The following DISC1 variants were observed in gnomAD, a reference collection of about 807,000 sequenced individuals.
DISC1 encodes disrupted in schizophrenia 1 protein.
Under a neutral mutation model 84.5 loss-of-function variants are expected in DISC1, and 57 were observed. The observed-to-expected ratio is 0.67, with a 90% CI of 0.55 to 0.84. The LOEUF (loss-of-function observed/expected upper bound fraction) is 0.84. Ranked by LOEUF, DISC1 falls within the 40% of genes least tolerant of loss-of-function variation. The probability of loss-of-function intolerance (pLI) is 0.00; values close to 1 mark genes in which losing one functional copy is unlikely to be tolerated. For synonymous variants in DISC1, 411 were observed against 415.2 expected, an observed-to-expected ratio of 0.99 and a Z score of 0.12; for missense variants, 1,000 against 1,057.8, an observed-to-expected ratio of 0.95 and a Z score of 0.76.
intron 3 of DISC1, among the ~76,000 whole-genome samples, chr1:231,717,230 G>A (rs2068872698): frequency 6.6e-6 from 1 of 152,164 alleles, no homozygotes; most frequent in Non-Finnish European, 1.5e-5. Context: ...TTTCCTGCAA[G>A]TCTCGGAAAT....
chr1:231,673,412 A>C (rs1253469012), intron 1 of DISC1, among the ~76,000 whole-genome samples: 1 of 151,272 alleles, frequency 6.6e-6, no homozygotes, highest in Non-Finnish European at 1.5e-5. Context: ...ATACCCTTGA[A>C]CTCCTGGGCT....
At chr1:231,805,239 C>T (rs867325594) in intron 8 of DISC1, among the ~76,000 whole-genome samples, 7 of 152,090 alleles carry the variant, frequency 4.6e-5, no homozygotes, top group Non-Finnish European at 8.8e-5. Flanking sequence ...GGTTTAAAGC[C>T]GATAGCAAAA....
At chr1:231,945,493 G>A (rs574251775) in intron 9 of DISC1, among the ~76,000 whole-genome samples, 3 of 152,308 alleles carry the variant, frequency 2.0e-5, no homozygotes, top group South Asian at 4.1e-4. Flanking sequence ...AGCACTAAAT[G>A]TCCACAGGAG....
Position 232,005,918 on chromosome 1 carries a change from T to A in DISC1, c.2043-2867T>A, listed in dbSNP as rs199651541. On this transcript the variant is annotated intron_variant, in intron 10 of 12. Coordinates refer to ENST00000439617, the MANE Select transcript of DISC1 (RefSeq NM_018662.3). ...GGATGGGAGAAAATATATATTTTCATTGAAAATTCCTGATTTTGGTTTTCC... is the reference window on the plus strand; with the variant it reads ...GGATGGGAGAAAATATATATTTTCAATGAAAATTCCTGATTTTGGTTTTCC... Among the ~76,000 whole-genome samples the A allele has an allele frequency of 1.3e-3, 104 of 77,690 alleles. No individual in the cohort carries two copies. The Middle Eastern group carries it at 0.026, about 20-fold the overall frequency. The allele number at this position is 77,690 out of a possible 152,430, so 51.0% of individuals were successfully genotyped here. A position where few individuals can be genotyped will look rare whatever the true frequency, so the allele number is the denominator to read the frequency against.
chr1:231,814,281 C>T lies in DISC1; in HGVS notation c.1793-4048C>T, dbSNP rs1415564341. 2.0e-5 allele frequency among the ~76,000 whole-genome samples: 3 copies of T among 152,098 alleles called. No individual in the cohort carries two copies. In the South Asian group the frequency reaches 6.2e-4, roughly 32 times the overall value. ...AAGATATTTTAGTTCTCCAGATTTC[C>T]GCTTTCCCAGCTGTAAAAGGAGACA... On this transcript the variant is annotated intron_variant, in intron 8 of 12. Transcript: ENST00000439617.
At chr1:231,991,662 A>C (rs1175290904) in intron 10 of DISC1, among the ~76,000 whole-genome samples, 1 of 152,210 alleles carries the variant, frequency 6.6e-6, no homozygotes, top group Non-Finnish European at 1.5e-5. Context: ...AGAATTACAA[A>C]AGGAAAAATA....
intron 3 of DISC1, among the ~76,000 whole-genome samples, chr1:231,704,839 A>T (rs2066861660): frequency 1.3e-5 from 2 of 150,346 alleles, no homozygotes; most frequent in South Asian, 4.2e-4. Flanking sequence ...ATTTCTAATG[A>T]TCTCCCAAAT....
At position 231,886,766 on chromosome 1, in the gene DISC1, C is replaced by A. The variant is rs4999713; in HGVS notation, c.1981+68249C>A. On this transcript the variant is annotated intron_variant, in intron 9 of 12. Coordinates refer to ENST00000439617, the MANE Select transcript of DISC1 (RefSeq NM_018662.3). The stretch of plus-strand genomic sequence containing the variant: ...CTCTTTCTTCCTTTCTTCCTTCCTT[C>A]CTTTCTTTCTTTCTTTCTTTCTTTC... Among the ~76,000 whole-genome samples the A allele has an allele frequency of 3.1e-3, 260 of 84,424 alleles. 2 individuals carry two copies. Among genetic ancestry groups the A allele is most frequent in the African/African-American group, 0.012 (255 of 21,790 alleles). The allele number at this position is 84,424 out of a possible 152,430, so 55.4% of individuals were successfully genotyped here.
At chr1:231,740,089 A>G (rs2073049045) in intron 3 of DISC1, among the ~76,000 whole-genome samples, 1 of 152,166 alleles carries the variant, frequency 6.6e-6, no homozygotes, top group African/African-American at 2.4e-5. Context: ...GCTGCCTGAA[A>G]CGTGGCAGCT....
intron 3 of DISC1, among the ~76,000 whole-genome samples, chr1:231,743,401 A>T (rs1272250125): frequency 6.6e-6 from 1 of 152,216 alleles, no homozygotes; most frequent in Non-Finnish European, 1.5e-5. Flanking sequence ...TAGAAGTGGC[A>T]GAGGTGGGGA....
intron 1 of DISC1, among the ~76,000 whole-genome samples, chr1:231,654,224 T>C (rs200956983): frequency 6.6e-6 from 1 of 152,164 alleles, no homozygotes; most frequent in Non-Finnish European, 1.5e-5. Context: ...AAGGCTCAAA[T>C]AGACAAACGT....
chr1:231,847,386 T>G (rs1258165494), intron 9 of DISC1, among the ~76,000 whole-genome samples: 1 of 152,128 alleles, frequency 6.6e-6, no homozygotes, highest in South Asian at 2.1e-4. Flanking sequence ...ATTCAACATA[T>G]AAGTTTTGGG....
At chr1:231,734,357 A>G (rs985152176) in intron 3 of DISC1, among the ~76,000 whole-genome samples, 1 of 152,178 alleles carries the variant, frequency 6.6e-6, no homozygotes, top group African/African-American at 2.4e-5. Context: ...GGCAATGAGT[A>G]TTTTGGAGGT....
chr1:231,664,028 A>G (rs1019608720), intron 1 of DISC1, among the ~76,000 whole-genome samples: 3 of 139,180 alleles, frequency 2.2e-5, no homozygotes, highest in African/African-American at 8.5e-5. Context: ...CTATCTATCT[A>G]TCCATCTATC....
intron 4 of DISC1, among the ~76,000 whole-genome samples, chr1:231,762,248 CTTTTCTTTA>C (rs2075788080): frequency 1.9e-4 from 4 of 20,856 alleles, no homozygotes; most frequent in Admixed American, 1.0e-3. Flanking sequence ...CTTTTCTTTT[CTTTTCTTTA>C]TTTTCTTTCC....
chr1:231,750,304 A>G, intron 4 of DISC1: 3 of 1,349,820 alleles, frequency 2.2e-6, no homozygotes, highest in Non-Finnish European at 2.8e-6. Context: ...CAGAGAGAGA[A>G]CCTTCTCAAG....
intron 9 of DISC1, among the ~76,000 whole-genome samples, chr1:231,956,882 G>A (rs918265791): frequency 6.6e-6 from 1 of 152,134 alleles, no homozygotes; most frequent in Non-Finnish European, 1.5e-5. Flanking sequence ...ATGTGGCTTG[G>A]GCTTCCTCAC....
intron 9 of DISC1, among the ~76,000 whole-genome samples, chr1:231,875,348 C>T (rs1215864070): frequency 3.3e-5 from 5 of 152,060 alleles, no homozygotes; most frequent in Admixed American, 6.6e-5. Context: ...GCCCCCGGCC[C>T]TGGTGAGTGA....
chr1:231,641,225 C>T (rs993273974), intron 1 of DISC1, among the ~76,000 whole-genome samples: 1 of 152,120 alleles, frequency 6.6e-6, no homozygotes, highest in Non-Finnish European at 1.5e-5. Flanking sequence ...AAAATGAAGC[C>T]GCGGACCCTC....
Sources: allele counts gnomAD v4.1 joint callset (sites outside exome capture counted in the v4.1 genomes callset), GRCh38; gene constraint gnomAD v4.1.1; transcripts MANE v1.5; gene names NCBI Gene and HGNC (gene_info 2026-07-23, HGNC 2026-07-21).